Variants in TASP1 observed in about 807,000 individuals in gnomAD.
TASP1 encodes the protein taspase 1.
A neutral mutation model predicts 56.6 loss-of-function variants in TASP1; 16 were observed. That is an observed-to-expected ratio of 0.28 (90% confidence interval 0.19 to 0.43). The LOEUF (loss-of-function observed/expected upper bound fraction) is 0.43, where lower values mean the gene tolerates loss of function less well. Ranked by LOEUF, TASP1 falls within the 20% of genes least tolerant of loss-of-function variation. The pLI, the probability that TASP1 is intolerant of heterozygous loss-of-function variation, is 1.00. For missense variants in TASP1, 393 were observed against 511.6 expected, an observed-to-expected ratio of 0.77 and a Z score of 2.24; for synonymous variants, 179 against 184.2, an observed-to-expected ratio of 0.97 and a Z score of 0.23.
chr20:13,406,428 C>A (rs2041922783), intron 13 of TASP1, among the ~76,000 whole-genome samples: 1 of 152,118 alleles, frequency 6.6e-6, no homozygotes, highest in Non-Finnish European at 1.5e-5. Flanking sequence ...ATAACTATGG[C>A]TTTTACTATT....
chr20:13,280,077 CTGGAAAGACT>C, the TASP1 span, among the ~76,000 whole-genome samples: 1 of 152,178 alleles, frequency 6.6e-6, no homozygotes, highest in Non-Finnish European at 1.5e-5. Context: ...CCACATTTTT[CTGGAAAGACT>C]ATAATTTTAA....
chr20:13,615,772 G>A (rs1182007896), intron 4 of TASP1, among the ~76,000 whole-genome samples: 2 of 151,978 alleles, frequency 1.3e-5, no homozygotes, highest in African/African-American at 4.8e-5. Context: ...CAAAGTGCTG[G>A]GATTACAGGT....
chr20:13,387,183 C>CTTTTTTTTTTTTTTTTTTTTTTTTTTTTT (rs1568732036), downstream of TASP1, among the ~76,000 whole-genome samples: 2 of 94,950 alleles, frequency 2.1e-5, no homozygotes, highest in African/African-American at 1.0e-4. Flanking sequence ...GACATGATTT[C>CTTTTTTTTTTTTTTTTTTTTTTTTTTTTT]ATTTTTTTTT....
intron 8 of TASP1, among the ~76,000 whole-genome samples, chr20:13,556,835 T>G (rs1437939298): frequency 2.0e-5 from 3 of 152,230 alleles, no homozygotes; most frequent in African/African-American, 4.8e-5. Context: ...TTTAACAAAG[T>G]CTTCATTCAG....
At chr20:13,309,420 C>A in the TASP1 span, among the ~76,000 whole-genome samples, 1 of 151,982 alleles carries the variant, frequency 6.6e-6, no homozygotes, top group Non-Finnish European at 1.5e-5. Flanking sequence ...AAGAAATGCA[C>A]CTCAACACAA....
intron 7 of TASP1, among the ~76,000 whole-genome samples, chr20:13,560,775 G>A (rs2046319387): frequency 1.3e-5 from 2 of 151,894 alleles, no homozygotes; most frequent in Admixed American, 1.3e-4. Flanking sequence ...AAAAGAAAGA[G>A]AGAAAGAGAA....
At chr20:13,549,726 T>A (rs1753785256) in intron 8 of TASP1, among the ~76,000 whole-genome samples, 1 of 152,126 alleles carries the variant, frequency 6.6e-6, no homozygotes, top group Non-Finnish European at 1.5e-5. Flanking sequence ...TACAAGGTGG[T>A]GACTTGATAT....
intron 8 of TASP1, among the ~76,000 whole-genome samples, chr20:13,557,491 T>A (rs1257406592): frequency 6.6e-6 from 1 of 151,888 alleles, no homozygotes; most frequent in East Asian, 1.9e-4. Flanking sequence ...TCTTGATAGG[T>A]GTATGGTTTA....
At chr20:13,440,590 G>A (rs2043179606) in intron 11 of TASP1, among the ~76,000 whole-genome samples, 1 of 151,612 alleles carries the variant, frequency 6.6e-6, no homozygotes, top group East Asian at 1.9e-4. Flanking sequence ...AATAAGACTT[G>A]TACAAGAAAT....
chr20:13,625,953 A>G (rs1345646973), intron 2 of TASP1, among the ~76,000 whole-genome samples: 1 of 152,230 alleles, frequency 6.6e-6, no homozygotes, highest in Non-Finnish European at 1.5e-5. Flanking sequence ...ACAAGGATAC[A>G]TAACTTGCTT....
the TASP1 span, among the ~76,000 whole-genome samples, chr20:13,123,293 T>G: frequency 3.5e-4 from 53 of 151,146 alleles, no homozygotes; most frequent in Admixed American, 6.6e-4. Flanking sequence ...GTCATGCCAC[T>G]GCACTCCAGC....
intron 11 of TASP1, among the ~76,000 whole-genome samples, chr20:13,470,747 T>G (rs2044458622): frequency 6.6e-6 from 1 of 152,138 alleles, no homozygotes; most frequent in African/African-American, 2.4e-5. Flanking sequence ...ACTTGTCCCC[T>G]TCTTCATCAT....
chr20:13,125,679 G>A, the TASP1 span, among the ~76,000 whole-genome samples: 1 of 152,196 alleles, frequency 6.6e-6, no homozygotes. Flanking sequence ...GTCCTTCTCT[G>A]TTCCACATGG....
chr20:13,569,188 TTC>T (rs368700107), intron 7 of TASP1, among the ~76,000 whole-genome samples: 3 of 151,340 alleles, frequency 2.0e-5, no homozygotes, highest in Non-Finnish European at 4.4e-5. Flanking sequence ...CTATATTTTC[TTC>T]TCTCTCTCTC....
the TASP1 span, among the ~76,000 whole-genome samples, chr20:13,372,061 G>A: frequency 4.6e-5 from 7 of 152,088 alleles, no homozygotes; most frequent in African/African-American, 1.4e-4. Context: ...CTTCTGTAGA[G>A]AGCATATAAT....
chr20:13,608,999 T>C (rs969743249), intron 4 of TASP1, among the ~76,000 whole-genome samples: 4 of 152,312 alleles, frequency 2.6e-5, no homozygotes, highest in East Asian at 1.9e-4. Flanking sequence ...TAGTTACAAT[T>C]TATTTATCAT....
the TASP1 span, among the ~76,000 whole-genome samples, chr20:13,330,676 G>C: frequency 1.3e-5 from 2 of 152,122 alleles, no homozygotes; most frequent in Non-Finnish European, 2.9e-5. Flanking sequence ...TTAAACTATG[G>C]ATTCAATGTA....
At chr20:13,482,010 G>T (rs908321017) in intron 11 of TASP1, among the ~76,000 whole-genome samples, 6 of 151,924 alleles carry the variant, frequency 3.9e-5, no homozygotes, top group African/African-American at 1.4e-4. Context: ...ATGTCCTAGA[G>T]ATTTTCCCCA....
intron 4 of TASP1, among the ~76,000 whole-genome samples, chr20:13,589,736 T>C (rs1163162924): frequency 6.6e-6 from 1 of 152,056 alleles, no homozygotes; most frequent in African/African-American, 2.4e-5. Context: ...AGAATATATA[T>C]TTAAAAAAAT....
Sources: gnomAD v4.1 joint callset for allele counts (sites outside exome capture counted in the v4.1 genomes callset) on GRCh38, gnomAD v4.1.1 for gene constraint, MANE v1.5 for transcripts, NCBI Gene and HGNC (gene_info 2026-07-23, HGNC 2026-07-21) for gene names.